The following SND1 variants were observed in gnomAD, a reference collection of about 807,000 sequenced individuals.
SND1 encodes staphylococcal nuclease domain-containing protein 1.
SND1 carries 38 observed loss-of-function variants against 121.7 expected under a neutral mutation model. That is an observed-to-expected ratio of 0.31 (90% CI 0.24 to 0.41). The LOEUF (loss-of-function observed/expected upper bound fraction) is 0.41, where lower values mean the gene tolerates loss of function less well. SND1 is among the 10% of genes least tolerant of loss of function. SND1 has a pLI of 1.00. For missense variants in SND1, 868 were observed against 1,184.6 expected (o/e 0.73, Z 3.92); for synonymous variants, 401 against 447.4 (o/e 0.90, Z 1.31).
intron 10 of SND1, among the ~76,000 whole-genome samples, chr7:127,733,100 C>T (rs1284089576): frequency 1.3e-5 from 2 of 152,034 alleles, no homozygotes; most frequent in Non-Finnish European, 2.9e-5. Flanking sequence ...TCTCTCTCTT[C>T]CCTCCCCCTA....
chr7:128,043,432 G>T (rs1223539435), intron 16 of SND1, among the ~76,000 whole-genome samples: 6 of 152,056 alleles, frequency 3.9e-5, no homozygotes, highest in Admixed American at 3.9e-4. Context: ...AAATTAGCCA[G>T]GTGTAGTGGC....
Position 127,825,342 on chromosome 7 carries a change from C to T in SND1, c.1242+17769C>T, listed in dbSNP as rs1798622493. Among the ~76,000 whole-genome samples, 3 of 151,366 alleles carry T rather than the reference C, an allele frequency of 2.0e-5. 1 individual carries two copies. The highest frequency in any genetic ancestry group is 4.4e-5 in the Non-Finnish European group (3 of 67,924). ...GCCAGGATGGTCTCAATCTCCTGAC[C>T]ACATGATCCACCTGCCTTGGCCTCC... On this transcript the variant is annotated intron_variant, in intron 11 of 23. Transcript: ENST00000354725.
intron 16 of SND1, among the ~76,000 whole-genome samples, chr7:128,039,012 C>T (rs1792803155): frequency 6.6e-6 from 1 of 152,208 alleles, no homozygotes; most frequent in African/African-American, 2.4e-5. Flanking sequence ...CCTAAGTCTT[C>T]ATCCCTGCCT....
intron 16 of SND1, among the ~76,000 whole-genome samples, chr7:128,021,930 A>T (rs1803357582): frequency 1.3e-5 from 2 of 152,160 alleles, no homozygotes; most frequent in African/African-American, 4.8e-5. Context: ...GGGGCTGGGT[A>T]CAGTGGCTGA....
At chr7:127,735,720 G>C (rs367857790) in intron 10 of SND1, among the ~76,000 whole-genome samples, 2 of 152,028 alleles carry the variant, frequency 1.3e-5, no homozygotes, top group Non-Finnish European at 2.9e-5. Context: ...TCCACCTCCC[G>C]GGTTCAAGTG....
intron 1 of SND1, among the ~76,000 whole-genome samples, chr7:127,675,117 CT>C (rs986769814): frequency 1.2e-4 from 19 of 152,164 alleles, no homozygotes; most frequent in Admixed American, 5.2e-4. Context: ...ATGAGAATCG[CT>C]TGGGCCTGGA....
At chr7:127,952,643 T>C (rs1388324970) in intron 15 of SND1, among the ~76,000 whole-genome samples, 3 of 152,252 alleles carry the variant, frequency 2.0e-5, no homozygotes, top group African/African-American at 7.2e-5. Context: ...GCTTTAGCTT[T>C]CTGTGCTTGT....
intron 13 of SND1, among the ~76,000 whole-genome samples, 156 bp downstream of exon 13, chr7:127,888,168 A>T (rs761950141): frequency 6.6e-6 from 1 of 152,138 alleles, no homozygotes; most frequent in Non-Finnish European, 1.5e-5. Context: ...AGAAGGACAC[A>T]CTTTGAACTT....
chr7:127,807,836 T>G (rs1020213154), intron 11 of SND1, among the ~76,000 whole-genome samples: 10 of 152,162 alleles, frequency 6.6e-5, no homozygotes, highest in Non-Finnish European at 1.3e-4. Context: ...TTTTAATAAT[T>G]GCATATTGCC....
intron 1 of SND1, among the ~76,000 whole-genome samples, chr7:127,669,233 C>T (rs903391527): frequency 5.3e-5 from 8 of 152,272 alleles, no homozygotes; most frequent in Admixed American, 6.5e-5. Context: ...TCAGGTGATC[C>T]GTCCACCTTG....
chr7:127,777,676 C>T (rs1797646163), intron 10 of SND1, among the ~76,000 whole-genome samples: 1 of 152,122 alleles, frequency 6.6e-6, no homozygotes, highest in Non-Finnish European at 1.5e-5. Flanking sequence ...TACTATTTGT[C>T]AGTTTACTGA....
chr7:127,986,109 C>G (rs955047639), intron 15 of SND1, among the ~76,000 whole-genome samples: 2 of 152,114 alleles, frequency 1.3e-5, no homozygotes, highest in African/African-American at 4.8e-5. Context: ...ACTTAGTTAT[C>G]ATAAAACTCG....
chr7:128,002,740 A>G (rs1042246129), intron 16 of SND1, among the ~76,000 whole-genome samples: 3 of 152,310 alleles, frequency 2.0e-5, no homozygotes, highest in East Asian at 1.9e-4. Context: ...GGTATGAACT[A>G]ACTAGATCCT....
intron 10 of SND1, among the ~76,000 whole-genome samples, chr7:127,753,024 T>C (rs1797129481): frequency 6.6e-6 from 1 of 152,178 alleles, no homozygotes. Context: ...TCCTGAACTC[T>C]GGTTTGTGTG....
chr7:127,870,639 A>G (rs1799568041), intron 12 of SND1, among the ~76,000 whole-genome samples: 1 of 152,214 alleles, frequency 6.6e-6, no homozygotes, highest in African/African-American at 2.4e-5. Flanking sequence ...GAAAAGGTAC[A>G]GTAAAATTAG....
In SND1 at chr7:127,704,897, C is replaced by T; in HGVS notation, c.899C>T (p.Ser300Leu). 5.0e-6 allele frequency: 8 copies of T among 1,614,002 alleles called. No homozygotes were observed. Among genetic ancestry groups the T allele is most frequent in the South Asian group, 2.2e-5 (2 of 91,056 alleles). ...KEGFARCVDW[S>L]IAVYTRGAEK... ...GGTTTCGCACGCTGTGTGGACTGGT[C>T]GATTGCAGTTTACACCCGGGGCGCA... is the stretch of plus-strand genomic sequence containing the variant. Residue 300 changes from serine to leucine, a missense_variant, in exon 8 of 24, where the codon TCG becomes TTG. This residue lies in a region of SND1 where 743 missense variants were observed against 1,071.3 expected (regional missense o/e 0.69). Coordinates refer to ENST00000354725, the MANE Select transcript of SND1 (RefSeq NM_014390.4).
At chr7:127,917,715 A>AC (rs1800614445) in intron 14 of SND1, among the ~76,000 whole-genome samples, 1 of 152,092 alleles carries the variant, frequency 6.6e-6, no homozygotes. Context: ...GAGCCACTGC[A>AC]CGCAGCCACA....
At chr7:127,810,212 C>CTT (rs1461562974) in intron 11 of SND1, among the ~76,000 whole-genome samples, 2 of 152,102 alleles carry the variant, frequency 1.3e-5, no homozygotes, top group African/African-American at 4.8e-5. Context: ...ACTTTATTGC[C>CTT]TTTTCAACCC....
At chr7:127,700,077 A>G (rs1796075548) in intron 4 of SND1, among the ~76,000 whole-genome samples, 1 of 152,314 alleles carries the variant, frequency 6.6e-6, no homozygotes, top group African/African-American at 2.4e-5. Context: ...TCTTAAGGAC[A>G]ATTACTGGCT....
Sources: gnomAD v4.1 joint callset for allele counts (sites outside exome capture counted in the v4.1 genomes callset) on GRCh38, gnomAD v4.1.1 for gene constraint, gnomAD v4.1.1 regional missense constraint, MANE v1.5 for transcripts, NCBI Gene and HGNC (gene_info 2026-07-23, HGNC 2026-07-21) for gene names.